Variants in ROR1 observed in about 807,000 individuals in gnomAD.
The protein encoded by ROR1 is ROR family WNT receptor 1.
A neutral mutation model predicts 78.8 loss-of-function variants in ROR1; 19 were observed. That is an observed-to-expected ratio of 0.24 (90% CI 0.17 to 0.35). The LOEUF (loss-of-function observed/expected upper bound fraction) is 0.35, where lower values mean the gene tolerates loss of function less well. Ranked by LOEUF, ROR1 falls within the 10% of genes least tolerant of loss-of-function variation. ROR1 has a pLI of 1.00. For synonymous variants in ROR1, 386 were observed against 433.6 expected, an observed-to-expected ratio of 0.89 and a Z score of 1.36; for missense variants, 917 against 1,177.8, an observed-to-expected ratio of 0.78 and a Z score of 3.24.
At chr1:64,019,365 T>C (rs2100554685) in intron 2 of ROR1, among the ~76,000 whole-genome samples, 1 of 152,336 alleles carries the variant, frequency 6.6e-6, no homozygotes, top group Middle Eastern at 3.4e-3. Flanking sequence ...GATTCTTGAA[T>C]ATTAAGATCT....
At chr1:63,848,562 T>C (rs1485778907) in intron 1 of ROR1, among the ~76,000 whole-genome samples, 1 of 152,212 alleles carries the variant, frequency 6.6e-6, no homozygotes, top group Non-Finnish European at 1.5e-5. Context: ...TTATTTCAGA[T>C]AGTGGAGGCC....
At chr1:64,107,087 A>G (rs1647849666) in intron 4 of ROR1, 2 of 152,328 alleles carry the variant, frequency 1.3e-5, no homozygotes, top group Admixed American at 6.6e-5. Context: ...TGTTGAAATG[A>G]TCATAGAGTA....
chr1:63,858,341 T>G (rs1645161025), intron 1 of ROR1, among the ~76,000 whole-genome samples: 1 of 152,202 alleles, frequency 6.6e-6, no homozygotes, highest in Non-Finnish European at 1.5e-5. Flanking sequence ...TTCAAATCTA[T>G]GGCCCAGACT....
chr1:63,785,850 G>T (rs1644681784), intron 1 of ROR1, among the ~76,000 whole-genome samples: 1 of 152,108 alleles, frequency 6.6e-6, no homozygotes, highest in African/African-American at 2.4e-5. Context: ...TTTCGATGAT[G>T]TTCTTAATCC....
At chr1:64,014,222 C>CTGCT (rs1646499818) in intron 2 of ROR1, among the ~76,000 whole-genome samples, 1 of 152,188 alleles carries the variant, frequency 6.6e-6, no homozygotes, top group Non-Finnish European at 1.5e-5. Flanking sequence ...CTTCACCCAG[C>CTGCT]TGCTGTGTTC....
chr1:63,902,408 C>T (rs1276763663), intron 1 of ROR1, among the ~76,000 whole-genome samples: 1 of 151,946 alleles, frequency 6.6e-6, no homozygotes, highest in Non-Finnish European at 1.5e-5. Context: ...GCCTCGACCT[C>T]CCAAGCTTCA....
At chr1:64,145,731 C>G (rs1046810253) in intron 7 of ROR1, among the ~76,000 whole-genome samples, 1 of 152,150 alleles carries the variant, frequency 6.6e-6, no homozygotes, top group African/African-American at 2.4e-5. Flanking sequence ...TCTCCTAAAC[C>G]AGGTAAGGTA....
In ROR1 at chr1:63,776,786, CTT is replaced by C. The variant is rs375506140; in HGVS notation, c.91+2280_91+2281del. On this transcript the variant is annotated intron_variant, in intron 1 of 8. Transcript: ENST00000371079. ...TCTGTCTCTCTTCTCTCACCATACT[CTT>C]TAGTAATGAGCTCAAATCTGTTATT... 7.2e-5 allele frequency among the ~76,000 whole-genome samples: 11 copies of C among 152,216 alleles called. 1 individual carries two copies. The highest frequency in any genetic ancestry group is 1.4e-4 in the African/African-American group (6 of 41,534).
At chr1:63,840,656 A>G (rs920264363) in intron 1 of ROR1, among the ~76,000 whole-genome samples, 5 of 152,168 alleles carry the variant, frequency 3.3e-5, no homozygotes, top group African/African-American at 1.2e-4. Context: ...GTTGAAGGCA[A>G]ATAGTTTCAA....
At chr1:64,153,855 G>A (rs1223489037) in intron 7 of ROR1, among the ~76,000 whole-genome samples, 2 of 152,122 alleles carry the variant, frequency 1.3e-5, no homozygotes, top group Non-Finnish European at 2.9e-5. Context: ...TAACATTATT[G>A]AAATGTAAAA....
rs866734548 is a variant in ROR1 at position 64,178,010 on chromosome 1, C to T, written c.1969C>T (p.Arg657Cys). Residue 657 changes from arginine (R) to cysteine (C), a missense_variant, in exon 9 of 9, where the codon CGC becomes TGC. Coordinates refer to ENST00000371079, the MANE Select transcript of ROR1 (RefSeq NM_005012.4). The surrounding 1 kb of genome is among the most constrained non-coding windows in gnomAD (Gnocchi z 4.3). ...CCAGAGTAAGTCCTTGCTGCCCATT[C>T]GCTGGATGCCCCCTGAAGCCATCAT... ...RVQSKSLLPI[R>C]WMPPEAIMYG... The T allele has an allele frequency of 6.2e-7, 1 of 1,614,166 alleles. No individual in the cohort carries two copies. The highest frequency in any genetic ancestry group is 8.5e-7 in the Non-Finnish European group (1 of 1,180,036).
chr1:64,047,823 A>C (rs1646796779), intron 2 of ROR1, among the ~76,000 whole-genome samples: 1 of 152,224 alleles, frequency 6.6e-6, no homozygotes, highest in South Asian at 2.1e-4. Flanking sequence ...TATAAATGTT[A>C]GGAAGCAAAG....
chr1:63,960,096 C>G (rs1318084210), intron 1 of ROR1, among the ~76,000 whole-genome samples: 1 of 152,232 alleles, frequency 6.6e-6, no homozygotes, highest in Non-Finnish European at 1.5e-5. Flanking sequence ...GCCCATTTCC[C>G]CCAGGTAGAC....
intron 1 of ROR1, among the ~76,000 whole-genome samples, chr1:63,835,012 C>A (rs928908023): frequency 1.2e-4 from 19 of 152,056 alleles, no homozygotes; most frequent in African/African-American, 4.6e-4. Flanking sequence ...ACTCCTTGAG[C>A]CCTATTTACC....
chr1:63,806,839 G>A (rs1220832352), intron 1 of ROR1, among the ~76,000 whole-genome samples: 2 of 152,136 alleles, frequency 1.3e-5, no homozygotes, highest in Non-Finnish European at 2.9e-5. Flanking sequence ...TGTATCATAA[G>A]CCATTTCAGA....
At chr1:63,849,258 G>A (rs1037105343) in intron 1 of ROR1, among the ~76,000 whole-genome samples, 31 of 152,068 alleles carry the variant, frequency 2.0e-4, no homozygotes, top group Admixed American at 1.9e-3. Flanking sequence ...TTAACCAAAG[G>A]CATGTATAAC....
intron 4 of ROR1, among the ~76,000 whole-genome samples, chr1:64,135,091 T>C (rs1346323381): frequency 6.6e-6 from 1 of 152,054 alleles, no homozygotes; most frequent in African/African-American, 2.4e-5. Context: ...GTTTTGGGGT[T>C]TTTTTGTGTT....
chr1:63,927,583 C>A (rs1645715720), intron 1 of ROR1, among the ~76,000 whole-genome samples: 1 of 150,512 alleles, frequency 6.6e-6, no homozygotes, highest in Admixed American at 6.6e-5. Flanking sequence ...ATAGAGTAGC[C>A]TCTCTGAACT....
chr1:63,820,303 C>T (rs1228640077), intron 1 of ROR1, among the ~76,000 whole-genome samples: 1 of 152,154 alleles, frequency 6.6e-6, no homozygotes, highest in African/African-American at 2.4e-5. Context: ...TTTCTACACA[C>T]TTGTTTGGTT....
Sources: allele counts gnomAD v4.1 joint callset (sites outside exome capture counted in the v4.1 genomes callset), GRCh38; gene constraint gnomAD v4.1.1; non-coding constraint Gnocchi (gnomAD v3.1); transcripts MANE v1.5; gene names NCBI Gene and HGNC (gene_info 2026-07-23, HGNC 2026-07-21).